IL3RA: variants seen among roughly 807,000 people sequenced by gnomAD.
The protein encoded by IL3RA is interleukin-3 receptor subunit alpha.
Under a neutral mutation model 52.3 loss-of-function variants are expected in IL3RA, and 73 were observed. The ratio of observed to expected loss-of-function variants is 1.40; its 90% CI spans 1.16 to 1.70. The LOEUF is 1.70. Among genes scored for constraint, IL3RA ranks in the 40% most tolerant of loss-of-function variants. The probability of loss-of-function intolerance (pLI) is 0.00; values close to 1 mark genes in which losing one functional copy is unlikely to be tolerated. For missense variants in IL3RA, 664 were observed against 504.4 expected (o/e 1.32, Z -3.03); for synonymous variants, 260 against 194.0 (o/e 1.34, Z -2.83).
intron 1 of IL3RA, among the ~76,000 whole-genome samples, chrX:1,338,709 G>A (rs2085386469): frequency 1.3e-5 from 2 of 152,218 alleles, no homozygotes; most frequent in Admixed American, 6.5e-5. Context: ...GAAAGTGGAT[G>A]AGTGGTTGCC....
intron 4 of IL3RA, 39 bp from the exon 5 acceptor site, chrX:1,352,061 G>A (rs376622489): frequency 7.8e-5 from 125 of 1,608,094 alleles, no homozygotes; most frequent in Non-Finnish European, 9.0e-5. Flanking sequence ...CACCGCGCCC[G>A]GTCCCGATTC....
chrX:1,355,466 G>T (rs1399156502), intron 6 of IL3RA, among the ~76,000 whole-genome samples: 2 of 141,622 alleles, frequency 1.4e-5, no homozygotes, highest in Admixed American at 7.0e-5. Flanking sequence ...GGTAGGAGGA[G>T]GGGGAGGAGG....
At chrX:1,364,831 C>A (rs193268198) in intron 8 of IL3RA, among the ~76,000 whole-genome samples, 2 of 145,686 alleles carry the variant, frequency 1.4e-5, no homozygotes, top group South Asian at 2.1e-4. Flanking sequence ...TATTTAGAGA[C>A]AGAGTCTCAC....
chrX:1,347,134 A>G (rs1464322864), intron 3 of IL3RA, among the ~76,000 whole-genome samples: 3 of 151,534 alleles, frequency 2.0e-5, no homozygotes, highest in Non-Finnish European at 2.9e-5. Flanking sequence ...TTCATACCCA[A>G]TGTGCGGATT....
At position 1,365,310 on chromosome X, in the gene IL3RA, AGCGGGGTGC is replaced by A. The variant is rs1464053567; in HGVS notation, c.874+67_874+75del. 2.0e-3 allele frequency: 1,608 copies of A among 822,230 alleles called. 52 individuals carry two copies. The highest frequency in any genetic ancestry group is 9.3e-3 in the African/African-American group (330 of 35,512). 50.9% of individuals were successfully genotyped at this position (822,230 alleles called of 1,614,324 possible). A position where few individuals can be genotyped will look rare whatever the true frequency, so the allele number is the denominator to read the frequency against. ...CGGGGTGAGCGGGGTGCGCGGGGTG[AGCGGGGTGC>A]GCGGGGTGAGCGGGGTGCGCGGGGT... On this transcript the variant is annotated intron_variant, in intron 9 of 11. Transcript: ENST00000331035.
At chrX:1,359,801 CCTCTCTTTCTCTCTCTCT>C (rs1178277828) in intron 8 of IL3RA, among the ~76,000 whole-genome samples, 42 of 146,156 alleles carry the variant, frequency 2.9e-4, no homozygotes, top group African/African-American at 1.0e-3. Context: ...ATTCTCCCTC[CCTCTCTTTCTCTCTCTCT>C]CTCTCTCTCC....
chrX:1,355,594 G>A (rs1352894965), intron 6 of IL3RA, among the ~76,000 whole-genome samples: 1 of 151,048 alleles, frequency 6.6e-6, no homozygotes, highest in Non-Finnish European at 1.5e-5. Context: ...AAGTGCCTGG[G>A]GTTCCCGGGA....
intron 2 of IL3RA, among the ~76,000 whole-genome samples, chrX:1,344,410 G>A (rs1295953585): frequency 1.6e-4 from 25 of 151,860 alleles, no homozygotes; most frequent in Admixed American, 1.1e-3. Flanking sequence ...TTCCAGCCTG[G>A]GCGACAGAGT....
intron 1 of IL3RA, 53 bp from the exon 2 acceptor site, chrX:1,341,675 G>T (rs3202253): frequency 1.5e-5 from 22 of 1,458,708 alleles, no homozygotes; most frequent in Non-Finnish European, 2.1e-5. Flanking sequence ...TTCATTACCC[G>T]CAACCCAGTT....
chrX:1,343,930 G>C (rs1350753037), intron 2 of IL3RA, among the ~76,000 whole-genome samples: 1 of 151,192 alleles, frequency 6.6e-6, no homozygotes, highest in African/African-American at 2.4e-5. Context: ...TGATTAGCTG[G>C]GATTACAGGC....
chrX:1,347,458 C>G (rs1172959136), intron 3 of IL3RA, among the ~76,000 whole-genome samples: 3 of 150,412 alleles, frequency 2.0e-5, no homozygotes, highest in African/African-American at 7.4e-5. Flanking sequence ...AAAACAAAAA[C>G]AAAAGCAAAC....
chrX:1,377,539 G>A (rs774694153), intron 9 of IL3RA, among the ~76,000 whole-genome samples: 125 of 152,046 alleles, frequency 8.2e-4, no homozygotes, highest in African/African-American at 2.8e-3. Flanking sequence ...CACCGCGCCC[G>A]GCCAAATTCC....
At chrX:1,361,979 T>G (rs2087435799) in intron 8 of IL3RA, among the ~76,000 whole-genome samples, 1 of 151,644 alleles carries the variant, frequency 6.6e-6, no homozygotes, top group Non-Finnish European at 1.5e-5. Context: ...CATCACCCAC[T>G]CTCTCTGTCT....
intron 9 of IL3RA, among the ~76,000 whole-genome samples, chrX:1,367,808 CG>C: frequency 6.8e-6 from 1 of 146,394 alleles, no homozygotes; most frequent in South Asian, 2.1e-4. Context: ...GCCGGGTGAG[CG>C]GGGTGCGCGG....
At chrX:1,380,929 T>C in intron 10 of IL3RA, 94 bp from the exon 11 acceptor site, 4 of 1,065,866 alleles carry the variant, frequency 3.8e-6, no homozygotes, top group Non-Finnish European at 5.8e-6. Flanking sequence ...TCTTTTGCTC[T>C]GTCCTGGCAC....
intron 1 of IL3RA, among the ~76,000 whole-genome samples, chrX:1,338,943 G>A (rs1386940320): frequency 2.6e-5 from 4 of 152,068 alleles, no homozygotes; most frequent in African/African-American, 4.8e-5. Context: ...GGGACTACAG[G>A]CACCCGCAAC....
intron 8 of IL3RA, 139 bp downstream of exon 8, chrX:1,359,026 T>A: frequency 1.5e-6 from 1 of 662,314 alleles, no homozygotes; most frequent in Middle Eastern, 5.3e-4. Flanking sequence ...TAAATGTTAT[T>A]ATTCAATGTT....
Position 1,352,827 on chromosome X carries a change from G to A in IL3RA, c.616+321G>A, listed in dbSNP as rs747176702. Among the ~76,000 whole-genome samples the A allele has an allele frequency of 3.6e-4, 55 of 152,122 alleles. 3 individuals are homozygous for A. Among genetic ancestry groups the A allele is most frequent in the African/African-American group, 1.2e-3 (49 of 41,468 alleles). ...TGGGTCATAGGATCCCTCACCATGG[G>A]TCATGGGACCCCCCATCATGGGTTC... On this transcript the variant is annotated intron_variant, in intron 6 of 11. Transcript: ENST00000331035.
intron 9 of IL3RA, among the ~76,000 whole-genome samples, chrX:1,367,862 T>C (rs2149158803): frequency 6.6e-6 from 1 of 151,356 alleles, no homozygotes; most frequent in Non-Finnish European, 1.5e-5. Flanking sequence ...AACACTCCTC[T>C]CCTGCAAAGG....
Sources: gnomAD v4.1 joint callset for allele counts (sites outside exome capture counted in the v4.1 genomes callset) on GRCh38, gnomAD v4.1.1 for gene constraint, MANE v1.5 for transcripts, NCBI Gene and HGNC (gene_info 2026-07-23, HGNC 2026-07-21) for gene names.